DACH1: variants seen among roughly 807,000 people sequenced by gnomAD.
DACH1 encodes dachshund family transcription factor 1.
In DACH1, 12 loss-of-function variants were observed where a neutral mutation model predicts 54.2. That is an observed-to-expected ratio of 0.22 (90% confidence interval 0.14 to 0.36). The LOEUF (loss-of-function observed/expected upper bound fraction) is 0.36. Among genes scored for constraint, DACH1 ranks in the 10% least tolerant of loss-of-function variants. The probability of loss-of-function intolerance (pLI) is 1.00; values close to 1 mark genes in which losing one functional copy is unlikely to be tolerated. For missense variants in DACH1, 805 were observed against 929.8 expected (o/e 0.87, Z 1.75); for synonymous variants, 386 against 366.2 (o/e 1.05, Z -0.62).
chr13:71,736,636 G>A (rs1344065487), intron 1 of DACH1, among the ~76,000 whole-genome samples: 3 of 152,074 alleles, frequency 2.0e-5, no homozygotes, highest in East Asian at 3.9e-4. Context: ...CCGTAAGAAA[G>A]AGGGAGTCAA....
intron 10 of DACH1, among the ~76,000 whole-genome samples, chr13:71,452,416 T>C (rs1300389467): frequency 6.6e-6 from 1 of 152,054 alleles, no homozygotes; most frequent in African/African-American, 2.4e-5. Context: ...ACATGAGCCA[T>C]TGCACCTAGC....
intron 1 of DACH1, among the ~76,000 whole-genome samples, chr13:71,730,383 A>G (rs1883684449): frequency 6.6e-6 from 1 of 152,186 alleles, no homozygotes; most frequent in Non-Finnish European, 1.5e-5. Flanking sequence ...ATTAAAAGCT[A>G]AGTACAGAGA....
chr13:71,751,401 A>G (rs935111476), intron 1 of DACH1, among the ~76,000 whole-genome samples: 1 of 152,234 alleles, frequency 6.6e-6, no homozygotes, highest in African/African-American at 2.4e-5. Context: ...GAAACTGTTT[A>G]CAGAGGACAG....
intron 7 of DACH1, among the ~76,000 whole-genome samples, chr13:71,488,227 A>G (rs1175787632): frequency 6.6e-6 from 1 of 152,162 alleles, no homozygotes; most frequent in African/African-American, 2.4e-5. Context: ...ACTATCAGCA[A>G]CTTCTGCCTA....
At chr13:71,486,134 C>T (rs1302585429) in intron 7 of DACH1, among the ~76,000 whole-genome samples, 1 of 151,680 alleles carries the variant, frequency 6.6e-6, no homozygotes, top group Non-Finnish European at 1.5e-5. Flanking sequence ...GTAATCATTA[C>T]AAATTTAAAA....
intron 1 of DACH1, chr13:71,704,164 T>C: frequency 4.9e-6 from 1 of 204,024 alleles, no homozygotes. Context: ...CCCGCCATCT[T>C]CCAGTAATTC....
chr13:71,860,755 A>C (rs1375610086), intron 1 of DACH1, among the ~76,000 whole-genome samples: 1 of 151,960 alleles, frequency 6.6e-6, no homozygotes, highest in Non-Finnish European at 1.5e-5. Flanking sequence ...TACTTGACTG[A>C]CAAAAGCAAT....
intron 1 of DACH1, among the ~76,000 whole-genome samples, chr13:71,830,094 T>C (rs1888527409): frequency 6.6e-6 from 1 of 151,886 alleles, no homozygotes; most frequent in African/African-American, 2.4e-5. Flanking sequence ...TCACCAAATA[T>C]TTTAAGTAGA....
intron 6 of DACH1, among the ~76,000 whole-genome samples, chr13:71,489,512 A>C (rs1878812893): frequency 6.6e-6 from 1 of 152,144 alleles, no homozygotes; most frequent in African/African-American, 2.4e-5. Flanking sequence ...GATTGACAAT[A>C]GAGTATTTCT....
intron 1 of DACH1, among the ~76,000 whole-genome samples, chr13:71,685,618 G>C (rs1213212038): frequency 6.6e-6 from 1 of 152,144 alleles, no homozygotes; most frequent in African/African-American, 2.4e-5. Flanking sequence ...TGACAGGCTT[G>C]ATATTTTATC....
chr13:71,442,070 A>T (rs898427281), intron 10 of DACH1, among the ~76,000 whole-genome samples: 4 of 152,046 alleles, frequency 2.6e-5, no homozygotes, highest in African/African-American at 9.7e-5. Context: ...CAGTTATTTT[A>T]AAATGTACCA....
At chr13:71,855,909 G>C (rs901606637) in intron 1 of DACH1, among the ~76,000 whole-genome samples, 1 of 151,770 alleles carries the variant, frequency 6.6e-6, no homozygotes, top group Non-Finnish European at 1.5e-5. Context: ...GTACAAAATA[G>C]TTGTTTTTAT....
At chr13:71,518,390 G>GAA (rs969614304) in intron 6 of DACH1, among the ~76,000 whole-genome samples, 1 of 145,842 alleles carries the variant, frequency 6.9e-6, no homozygotes. Context: ...CAGAACTGTG[G>GAA]AAAAAAAAAA....
chr13:71,577,762 T>A (rs1293237103), intron 3 of DACH1, among the ~76,000 whole-genome samples: 2 of 151,982 alleles, frequency 1.3e-5, no homozygotes, highest in East Asian at 3.9e-4. Flanking sequence ...TAAACAGAAA[T>A]AAAGGGAAGC....
intron 2 of DACH1, among the ~76,000 whole-genome samples, chr13:71,653,210 C>G (rs535503215): frequency 2.7e-4 from 41 of 152,266 alleles, no homozygotes; most frequent in Middle Eastern, 3.4e-3. Flanking sequence ...CAATAAACCC[C>G]GCCCCTAAAT....
chr13:71,674,995 C>T (rs1048710657), intron 2 of DACH1: 2 of 702,158 alleles, frequency 2.8e-6, no homozygotes, highest in South Asian at 1.6e-5. Flanking sequence ...CTCTCCAACG[C>T]CAGCGCCGCC....
intron 2 of DACH1, among the ~76,000 whole-genome samples, chr13:71,637,145 T>C (rs903812673): frequency 6.6e-6 from 1 of 152,066 alleles, no homozygotes; most frequent in Non-Finnish European, 1.5e-5. Flanking sequence ...CCATGCAAAC[T>C]TTGGACAAGA....
At chr13:71,683,709 T>C (rs1881021187) in intron 1 of DACH1, among the ~76,000 whole-genome samples, 1 of 152,170 alleles carries the variant, frequency 6.6e-6, no homozygotes, top group Non-Finnish European at 1.5e-5. Context: ...CTCAGTTGGC[T>C]TTTTAACTCT....
chr13:71,475,149 G>T lies in DACH1; in HGVS notation c.2075C>A (p.Thr692Lys). 6.2e-7 allele frequency: 1 copy of T among 1,613,762 alleles called. No individual in the cohort carries two copies. Among genetic ancestry groups the T allele is most frequent in the South Asian group, 1.1e-5 (1 of 91,068 alleles). The part of the protein sequence containing the change: ...RSGGRTDAER[T>K]IQDGRLYLKT... ...CTTCTGCAAATTCCTACCTTGTATT[G>T]TCCTTTCAGCATCTGTTCTGCCGCC... is the stretch of plus-strand genomic sequence containing the variant. The change falls in exon 10 of 11, where the codon ACA becomes AAA. Residue 692 changes from threonine to lysine, a missense_variant. Physicochemically the swap from Thr to Lys is moderately conservative, Grantham distance 78 (BLOSUM62 -1). Transcript: ENST00000613252.
Sources: gnomAD v4.1 joint callset for allele counts (sites outside exome capture counted in the v4.1 genomes callset) on GRCh38, gnomAD v4.1.1 for gene constraint, MANE v1.5 for transcripts, NCBI Gene and HGNC (gene_info 2026-07-23, HGNC 2026-07-21) for gene names.